Variants in DST observed in about 807,000 individuals in gnomAD.
DST encodes the protein bullous pemphigoid antigen.
A neutral mutation model predicts 875.2 loss-of-function variants in DST; 253 were observed. That is an observed-to-expected ratio of 0.29 (90% CI 0.26 to 0.32). The LOEUF (loss-of-function observed/expected upper bound fraction) is 0.32. DST is among the 10% of genes least tolerant of loss of function. The probability of loss-of-function intolerance (pLI) is 1.00; values close to 1 mark genes in which losing one functional copy is unlikely to be tolerated. For missense variants in DST, 8,287 were observed against 9,111.6 expected, an observed-to-expected ratio of 0.91 and a Z score of 3.68; for synonymous variants, 3,124 against 3,197.1, an observed-to-expected ratio of 0.98 and a Z score of 0.77.
intron 4 of DST, among the ~76,000 whole-genome samples, chr6:56,739,821 C>G (rs2099539857): frequency 6.6e-6 from 1 of 152,142 alleles, no homozygotes; most frequent in Non-Finnish European, 1.5e-5. Flanking sequence ...AAGGAGGAGG[C>G]ATGAATAATC....
intron 61 of DST, among the ~76,000 whole-genome samples, chr6:56,549,793 CTAAATTAGGCTACAGCAAAGATGAT>C (rs2097290044): frequency 6.6e-6 from 1 of 152,116 alleles, no homozygotes; most frequent in Non-Finnish European, 1.5e-5. Context: ...TTCGGGCTGT[CTAAATTAGGCTACAGCAAAGATGAT>C]TAGAAAATCC....
chr6:56,915,308 T>C (rs188741800), intron 2 of DST, among the ~76,000 whole-genome samples: 50 of 152,300 alleles, frequency 3.3e-4, no homozygotes, highest in Admixed American at 2.0e-3. Context: ...GCATGTTTTA[T>C]GGGGCATTTA....
chr6:56,552,733 T>A lies in DST; in HGVS notation c.16059A>T (p.Leu5353Phe), dbSNP rs773675349. 4.6e-5 allele frequency: 74 copies of A among 1,611,890 alleles called. No individual in the cohort carries two copies. Among genetic ancestry groups the A allele is most frequent in the Admixed American group, 1.0e-4 (6 of 60,002 alleles). The stretch of plus-strand genomic sequence containing the variant: ...CTTGAGCTATGGTTTCCACTTGTAA[T>A]AAAACATCAGAGGTTCCCTTTGAGT... The part of the protein sequence containing the change: ...ASDSKGTSDV[L>F]LQVETIAQEH... The change falls in exon 61 of 104, where the codon TTA becomes TTT. Residue 5353 changes from leucine to phenylalanine, a missense_variant. Around this residue, in one of 10 missense-constraint regions of DST, gnomAD observed 1,513 missense variants for 1,677.8 expected, o/e 0.90. Coordinates refer to ENST00000680361, the MANE Select transcript of DST (RefSeq NM_001374736.1).
chr6:56,512,772 T>C lies in DST; in HGVS notation c.18577-1372A>G, dbSNP rs2152480506. ...TATCACCAATGTAATAAAATGTTTT[T>C]GAAGGTTTTCAAAAGACTGCCTCAA... is the stretch of plus-strand genomic sequence containing the variant. On this transcript the variant is annotated intron_variant, in intron 72 of 103. Coordinates refer to ENST00000680361, the MANE Select transcript of DST (RefSeq NM_001374736.1). Among the ~76,000 whole-genome samples the C allele has an allele frequency of 2.0e-5, 3 of 152,318 alleles. No homozygotes were observed. The South Asian group carries it at 6.2e-4, about 32-fold the overall frequency.
At position 56,631,060 on chromosome 6, in the gene DST, G is replaced by A. The variant is rs575736496; in HGVS notation, c.4142+151C>T. ...GGCCTCCCAAAGTGCTGGGATTACCGGCATGAGCCACCACGCCCAGCCAAT... is the reference window on the plus strand; with the variant it reads ...GGCCTCCCAAAGTGCTGGGATTACCAGCATGAGCCACCACGCCCAGCCAAT... On this transcript the variant is annotated intron_variant, in intron 30 of 103. Coordinates refer to ENST00000680361, the MANE Select transcript of DST (RefSeq NM_001374736.1). The A allele has an allele frequency of 3.8e-5, 10 of 260,672 alleles. No homozygotes were observed. In the East Asian group the frequency reaches 9.6e-4, roughly 25 times the overall value. The allele number at this position is 260,672 out of a possible 1,614,324, so 16.1% of individuals were successfully genotyped here.
intron 4 of DST, among the ~76,000 whole-genome samples, chr6:56,810,976 G>A (rs576655360): frequency 6.6e-6 from 1 of 152,054 alleles, no homozygotes; most frequent in Admixed American, 6.6e-5. Context: ...GAGCCCAGGA[G>A]TTCAAGACCA....
chr6:56,590,774 C>T lies in DST; in HGVS notation c.12903+1408G>A, dbSNP rs562571847. Among the ~76,000 whole-genome samples, 3 of 152,280 alleles carry T rather than the reference C, an allele frequency of 2.0e-5. No homozygotes were observed. In the East Asian group the frequency reaches 5.8e-4, roughly 29 times the overall value. Reference sequence around the variant, plus strand: ...AGCCTGGGAAAGAAGCAGTGCCCTCCACCCTCTTGACCTCCCAGCTTGACC... The same window carrying T: ...AGCCTGGGAAAGAAGCAGTGCCCTCTACCCTCTTGACCTCCCAGCTTGACC... On this transcript the variant is annotated intron_variant, in intron 49 of 103. Coordinates refer to ENST00000680361, the MANE Select transcript of DST (RefSeq NM_001374736.1).
At chr6:56,526,603 G>T in intron 68 of DST, 36 bp from the exon 69 acceptor site, 1 of 1,584,608 alleles carries the variant, frequency 6.3e-7, no homozygotes, top group Non-Finnish European at 8.6e-7. Context: ...ACACTTAAGA[G>T]CTTCAACAGA....
Position 56,625,062 on chromosome 6 carries a change from A to G in DST, c.4830+95T>C. 8 of 856,096 alleles carry G rather than the reference A, an allele frequency of 9.3e-6. No individual in the cohort carries two copies. In the South Asian group the frequency reaches 1.1e-4, roughly 12 times the overall value. The allele number at this position is 856,096 out of a possible 1,614,324, so 53.0% of individuals were successfully genotyped here. ...AAATTGTTAAAATAGTAAGTTTTAT[A>G]CTATGTATATTTTACCACAACAAAA... On this transcript the variant is annotated intron_variant, in intron 35 of 103. Transcript: ENST00000680361.
chr6:56,873,407 G>C (rs1778252785), intron 3 of DST, among the ~76,000 whole-genome samples: 4 of 152,018 alleles, frequency 2.6e-5, no homozygotes. Context: ...AGAAATCTTT[G>C]CCTAGACCAA....
intron 2 of DST, among the ~76,000 whole-genome samples, chr6:56,922,497 ACT>A (rs1373654081): frequency 6.6e-6 from 1 of 152,198 alleles, no homozygotes; most frequent in Non-Finnish European, 1.5e-5. Flanking sequence ...TTATAGATAC[ACT>A]GATTCTACTC....
intron 49 of DST, among the ~76,000 whole-genome samples, chr6:56,591,207 AT>A (rs1177808445): frequency 2.0e-5 from 3 of 152,238 alleles, no homozygotes; most frequent in African/African-American, 7.2e-5. Context: ...ATAAAAATAG[AT>A]TTAAGAACTC....
At position 56,575,755 on chromosome 6, in the gene DST, A is replaced by G. The variant is rs573526275; in HGVS notation, c.13028-1868T>C. On this transcript the variant is annotated intron_variant, in intron 50 of 103. Coordinates refer to ENST00000680361, the MANE Select transcript of DST (RefSeq NM_001374736.1). ...TTCTGATTTCCTCAGTAATACAGAC[A>G]CTAAGAGAATCTTTTGTTCTGATAT... Among the ~76,000 whole-genome samples, 101 of 152,278 alleles carry G rather than the reference A, an allele frequency of 6.6e-4. 5 individuals carry two copies. The South Asian group carries it at 0.021, about 31-fold the overall frequency.
At chr6:56,770,047 TC>T (rs2099646322) in intron 4 of DST, among the ~76,000 whole-genome samples, 2 of 152,212 alleles carry the variant, frequency 1.3e-5, no homozygotes, top group African/African-American at 4.8e-5. Flanking sequence ...CTGACTTCCT[TC>T]AGTCAAGCCT....
At chr6:56,544,037 A>C (rs2097182519) in intron 61 of DST, among the ~76,000 whole-genome samples, 1 of 152,218 alleles carries the variant, frequency 6.6e-6, no homozygotes, top group South Asian at 2.1e-4. Context: ...TCACAATATC[A>C]ATGCCAATTT....
At chr6:56,663,072 A>AG (rs1354920538) in intron 10 of DST, among the ~76,000 whole-genome samples, 2 of 152,236 alleles carry the variant, frequency 1.3e-5, no homozygotes, top group Non-Finnish European at 2.9e-5. Flanking sequence ...GAACATAAAA[A>AG]GAAAGTAATA....
At chr6:56,802,688 T>C (rs2099748592) in intron 4 of DST, among the ~76,000 whole-genome samples, 1 of 152,204 alleles carries the variant, frequency 6.6e-6, no homozygotes, top group Admixed American at 6.5e-5. Flanking sequence ...TCCCTTGCTT[T>C]ACACACATTA....
chr6:56,936,295 C>T (rs969366427), intron 2 of DST, among the ~76,000 whole-genome samples: 1 of 152,192 alleles, frequency 6.6e-6, no homozygotes, highest in Non-Finnish European at 1.5e-5. Flanking sequence ...ATGCATTGAG[C>T]AGCTACTTGA....
chr6:56,848,872 T>A (rs1009039648), intron 4 of DST, among the ~76,000 whole-genome samples: 1 of 151,292 alleles, frequency 6.6e-6, no homozygotes, highest in South Asian at 2.1e-4. Context: ...CCATCTCTAC[T>A]AAAAATACAA....
Sources: gnomAD v4.1 joint callset for allele counts (sites outside exome capture counted in the v4.1 genomes callset) on GRCh38, gnomAD v4.1.1 for gene constraint, gnomAD v4.1.1 regional missense constraint, MANE v1.5 for transcripts, NCBI Gene and HGNC (gene_info 2026-07-23, HGNC 2026-07-21) for gene names.